Variants in HCRTR2 observed in about 807,000 individuals in gnomAD.
HCRTR2 encodes hypocretin receptor 2.
In HCRTR2, 22 loss-of-function variants were observed where a neutral mutation model predicts 49.0. The observed-to-expected ratio is 0.45, with a 90% CI of 0.32 to 0.64. HCRTR2 has a LOEUF of 0.64. Ranked by LOEUF, HCRTR2 falls within the 30% of genes least tolerant of loss-of-function variation. HCRTR2 has a pLI of 0.04. For synonymous variants in HCRTR2, 236 were observed against 205.3 expected, an observed-to-expected ratio of 1.15 and a Z score of -1.28; for missense variants, 491 against 559.4, an observed-to-expected ratio of 0.88 and a Z score of 1.23.
intron 1 of HCRTR2, among the ~76,000 whole-genome samples, chr6:55,124,080 G>A (rs1561978940): frequency 6.6e-6 from 1 of 151,962 alleles, no homozygotes; most frequent in Non-Finnish European, 1.5e-5. Context: ...TGGATTATTT[G>A]ATTTTTTGAA....
At chr6:55,214,367 T>C (rs1166655219) in intron 1 of HCRTR2, among the ~76,000 whole-genome samples, 1 of 152,182 alleles carries the variant, frequency 6.6e-6, no homozygotes, top group Non-Finnish European at 1.5e-5. Flanking sequence ...GATCTCACTT[T>C]GTCACCCAGA....
intron 4 of HCRTR2, among the ~76,000 whole-genome samples, chr6:55,268,859 G>A (rs1425370128): frequency 6.6e-6 from 1 of 152,044 alleles, no homozygotes. Context: ...GGGAGGCTGA[G>A]GCGGGTGGAT....
At chr6:55,163,055 T>C (rs1764827575) in intron 1 of HCRTR2, among the ~76,000 whole-genome samples, 1 of 151,992 alleles carries the variant, frequency 6.6e-6, no homozygotes, top group African/African-American at 2.4e-5. Flanking sequence ...GAGACCATGG[T>C]GAAACCCCGT....
At chr6:55,182,488 A>G (rs1399888330) in intron 1 of HCRTR2, among the ~76,000 whole-genome samples, 3 of 152,202 alleles carry the variant, frequency 2.0e-5, no homozygotes, top group Non-Finnish European at 4.4e-5. Context: ...GCCAGCAGCC[A>G]GAGAGGAAAT....
At chr6:55,170,619 A>G (rs1764935421), upstream of HCRTR2, among the ~76,000 whole-genome samples, 1 of 152,040 alleles carries the variant, frequency 6.6e-6, no homozygotes, top group Non-Finnish European at 1.5e-5. Flanking sequence ...GTTCTAGGGT[A>G]CATGTGCACA....
chr6:55,153,591 G>T (rs931334293), intron 1 of HCRTR2, among the ~76,000 whole-genome samples: 2 of 151,950 alleles, frequency 1.3e-5, no homozygotes, highest in African/African-American at 2.4e-5. Flanking sequence ...TTTTATGATA[G>T]TATCATGCTG....
At chr6:55,252,601 A>G (rs1407636489) in intron 2 of HCRTR2, among the ~76,000 whole-genome samples, 1 of 152,090 alleles carries the variant, frequency 6.6e-6, no homozygotes, top group Admixed American at 6.6e-5. Context: ...GTTGTAGAGA[A>G]TAAGGTGATA....
chr6:55,117,534 A>C (rs1205046290), intron 1 of HCRTR2, among the ~76,000 whole-genome samples: 1 of 151,742 alleles, frequency 6.6e-6, no homozygotes, highest in Non-Finnish European at 1.5e-5. Flanking sequence ...ATCACCTCAA[A>C]CATTACTATT....
chr6:55,233,932 G>A (rs1766164996), intron 1 of HCRTR2, among the ~76,000 whole-genome samples: 1 of 152,152 alleles, frequency 6.6e-6, no homozygotes. Context: ...GTTTGTAGCA[G>A]AGACCTGGAT....
chr6:55,118,220 AG>A (rs1228268272), intron 1 of HCRTR2, among the ~76,000 whole-genome samples: 1 of 151,902 alleles, frequency 6.6e-6, no homozygotes, highest in East Asian at 1.9e-4. Flanking sequence ...GTTCCTATAA[AG>A]GATATGATCT....
chr6:55,229,838 G>A (rs9396068), intron 1 of HCRTR2, among the ~76,000 whole-genome samples: 27,611 of 152,148 alleles, frequency 0.18, 2,882 homozygotes, highest in Non-Finnish European at 0.24. Flanking sequence ...TACAGTTAAT[G>A]ATGCAGTATT....
intron 1 of HCRTR2, among the ~76,000 whole-genome samples, chr6:55,233,564 G>GTAT (rs1766157691): frequency 6.6e-6 from 1 of 152,170 alleles, no homozygotes; most frequent in African/African-American, 2.4e-5. Flanking sequence ...AGGCATGGTG[G>GTAT]TGCACACCTA....
In HCRTR2 at chr6:55,115,479, AG is replaced by A. The variant is rs1764103269; in HGVS notation, c.-378+8935del. Among the ~76,000 whole-genome samples the A allele has an allele frequency of 2.0e-5, 3 of 148,788 alleles. No individual in the cohort carries two copies. The East Asian group carries it at 6.0e-4, about 30-fold the overall frequency. Reference sequence around the variant, plus strand: ...TATCAAATGCATTGTGTTGCTAAAGAGTGTGTGTGTGTGTGTGTGTGTGTGT... The same window carrying A: ...TATCAAATGCATTGTGTTGCTAAAGATGTGTGTGTGTGTGTGTGTGTGTGT... On this transcript the variant is annotated intron_variant, in intron 1 of 7. Transcript: ENST00000615358.
intron 1 of HCRTR2, among the ~76,000 whole-genome samples, chr6:55,155,500 A>G (rs1764718631): frequency 6.6e-6 from 1 of 151,996 alleles, no homozygotes; most frequent in African/African-American, 2.4e-5. Flanking sequence ...GCAATCTAAA[A>G]CATCAGATGA....
At chr6:55,229,023 T>A (rs1388022699) in intron 1 of HCRTR2, among the ~76,000 whole-genome samples, 1 of 152,106 alleles carries the variant, frequency 6.6e-6, no homozygotes, top group Admixed American at 6.6e-5. Flanking sequence ...CTGATTTTCA[T>A]GGTGGGATGT....
rs570529833 is a variant in HCRTR2, at chr6:55,163,919, A to C, written c.-377-10292A>C. ...TATCCAGAATCTACAATGAACTCCAACAAATTTACAAGAAAAAAACAACCC... is the reference window on the plus strand; with the variant it reads ...TATCCAGAATCTACAATGAACTCCACCAAATTTACAAGAAAAAAACAACCC... On this transcript the variant is annotated intron_variant, in intron 1 of 7. Coordinates refer to the HCRTR2 transcript ENST00000615358. Among the ~76,000 whole-genome samples, 6 of 152,322 alleles carry C rather than the reference A, an allele frequency of 3.9e-5. No individual in the cohort carries two copies. The East Asian group carries it at 7.7e-4, about 20-fold the overall frequency.
At position 55,111,927 on chromosome 6, in the gene HCRTR2, T is replaced by G. The variant is rs532218617; in HGVS notation, c.-378+5382T>G. Among the ~76,000 whole-genome samples the G allele has an allele frequency of 4.6e-5, 7 of 151,950 alleles. No individual in the cohort carries two copies. The South Asian group carries it at 1.5e-3, about 31-fold the overall frequency. ...CTAGCTAACTGAATTCAAAAGCATA[T>G]CAAAAAGATAATCCATTATGATCAA... On this transcript the variant is annotated intron_variant, in intron 1 of 7. Coordinates refer to the HCRTR2 transcript ENST00000615358.
At chr6:55,130,634 C>A (rs907280019) in intron 1 of HCRTR2, among the ~76,000 whole-genome samples, 1 of 151,826 alleles carries the variant, frequency 6.6e-6, no homozygotes, top group African/African-American at 2.4e-5. Flanking sequence ...CTTCTCATTA[C>A]TTTTAGGGTA....
At chr6:55,150,521 C>A (rs1033329346) in intron 1 of HCRTR2, among the ~76,000 whole-genome samples, 4 of 151,942 alleles carry the variant, frequency 2.6e-5, no homozygotes, top group Non-Finnish European at 5.9e-5. Context: ...GCCCTGGATA[C>A]TTCTGTTCTA....
Sources: allele counts gnomAD v4.1 joint callset (sites outside exome capture counted in the v4.1 genomes callset), GRCh38; gene constraint gnomAD v4.1.1; transcripts MANE v1.5; gene names NCBI Gene and HGNC (gene_info 2026-07-23, HGNC 2026-07-21).